CNTN3: variants seen among roughly 807,000 people sequenced by gnomAD.
The protein encoded by CNTN3 is contactin-3.
Under a neutral mutation model 119.1 loss-of-function variants are expected in CNTN3, and 60 were observed. The observed-to-expected ratio is 0.50, with a 90% CI of 0.41 to 0.62. CNTN3 has a LOEUF of 0.62. Among genes scored for constraint, CNTN3 ranks in the 20% least tolerant of loss-of-function variants. The pLI, the probability that CNTN3 is intolerant of heterozygous loss-of-function variation, is 0.00. For missense variants in CNTN3, 1,101 were observed against 1,242.4 expected (o/e 0.89, Z 1.71); for synonymous variants, 450 against 438.7 (o/e 1.03, Z -0.32).
intron 2 of CNTN3, among the ~76,000 whole-genome samples, chr3:74,504,352 C>G (rs1177879724): frequency 2.6e-5 from 4 of 152,108 alleles, no homozygotes; most frequent in African/African-American, 9.7e-5. Context: ...CAATCCCAAA[C>G]AGAATGAGCT....
chr3:74,477,453 A>G (rs1316313320), intron 4 of CNTN3, among the ~76,000 whole-genome samples: 1 of 152,192 alleles, frequency 6.6e-6, no homozygotes, highest in Non-Finnish European at 1.5e-5. Flanking sequence ...TCTAAAAGAT[A>G]CAGATCCTGA....
chr3:74,569,813 C>T lies in CNTN3; in HGVS notation c.-81+44578G>A, dbSNP rs549956601. ...GGTGTCATCTGGGGCTGAGATCTCC[C>T]CTGAGGCTTGAGGCCCTTCACCAAG... On this transcript the variant is annotated intron_variant, in intron 1 of 22. Transcript: ENST00000263665. Among the ~76,000 whole-genome samples, 4 of 152,178 alleles carry T rather than the reference C, an allele frequency of 2.6e-5. No homozygotes were observed. In the South Asian group the frequency reaches 8.3e-4, roughly 32 times the overall value.
At chr3:74,507,650 A>G (rs1449855225) in intron 2 of CNTN3, among the ~76,000 whole-genome samples, 3 of 104,186 alleles carry the variant, frequency 2.9e-5, no homozygotes, top group African/African-American at 1.1e-4. Context: ...TTTTTTTTTT[A>G]AGAAAGAGTC....
chr3:74,412,194 TAC>T (rs1365673370), intron 5 of CNTN3, among the ~76,000 whole-genome samples: 1 of 152,146 alleles, frequency 6.6e-6, no homozygotes, highest in Non-Finnish European at 1.5e-5. Flanking sequence ...TCTGAAATAT[TAC>T]AGAGTTTGTA....
intron 1 of CNTN3, among the ~76,000 whole-genome samples, chr3:74,560,969 T>C (rs1187161580): frequency 1.5e-5 from 2 of 130,272 alleles, no homozygotes; most frequent in Non-Finnish European, 3.1e-5. Context: ...AGGTGGGAAT[T>C]GAACAATGAG....
At chr3:74,350,181 T>C (rs964038708) in intron 11 of CNTN3, among the ~76,000 whole-genome samples, 5 of 152,274 alleles carry the variant, frequency 3.3e-5, no homozygotes, top group Admixed American at 2.6e-4. Context: ...TGCAATTCAG[T>C]TGATTGTTCT....
intron 4 of CNTN3, among the ~76,000 whole-genome samples, chr3:74,445,890 G>A (rs1702040828): frequency 6.6e-6 from 1 of 152,120 alleles, no homozygotes; most frequent in Non-Finnish European, 1.5e-5. Flanking sequence ...CTGCCACGTA[G>A]GACTTCACAG....
intron 1 of CNTN3, among the ~76,000 whole-genome samples, chr3:74,538,856 C>G (rs912661744): frequency 6.6e-6 from 1 of 152,088 alleles, no homozygotes; most frequent in African/African-American, 2.4e-5. Context: ...CTTGCATTCA[C>G]TAGATTCCAG....
At chr3:74,486,424 T>G in intron 4 of CNTN3, 32 bp downstream of exon 4, 1 of 1,549,168 alleles carries the variant, frequency 6.5e-7, no homozygotes, top group Non-Finnish European at 8.7e-7. Flanking sequence ...TTTCTAATGT[T>G]GGATTTGCTA....
chr3:74,423,474 G>C (rs1326218969), intron 5 of CNTN3, among the ~76,000 whole-genome samples: 1 of 152,174 alleles, frequency 6.6e-6, no homozygotes, highest in Non-Finnish European at 1.5e-5. Flanking sequence ...CCAGGAAGGA[G>C]TGAGAGCTGG....
intron 1 of CNTN3, among the ~76,000 whole-genome samples, chr3:74,549,722 C>A (rs1703962844): frequency 6.6e-6 from 1 of 152,122 alleles, no homozygotes; most frequent in South Asian, 2.1e-4. Flanking sequence ...GGGCCCAGAT[C>A]AGGAAAAGAC....
chr3:74,321,909 C>G (rs1703003253), intron 13 of CNTN3, among the ~76,000 whole-genome samples: 1 of 151,918 alleles, frequency 6.6e-6, no homozygotes, highest in Admixed American at 6.6e-5. Context: ...ATAATTTTCC[C>G]AAACAGAAAG....
chr3:74,490,014 G>T (rs1362968049), intron 3 of CNTN3, among the ~76,000 whole-genome samples: 7 of 152,054 alleles, frequency 4.6e-5, no homozygotes, highest in African/African-American at 1.7e-4. Context: ...GCACATGTTG[G>T]TTCTATGTTC....
chr3:74,427,695 G>A (rs56300573), intron 4 of CNTN3, among the ~76,000 whole-genome samples: 3,016 of 152,120 alleles, frequency 0.02, 47 homozygotes, highest in Non-Finnish European at 0.028. Flanking sequence ...TCAGAAATTC[G>A]AGGGAGTTAA....
chr3:74,594,844 T>G (rs1301593303), intron 1 of CNTN3, among the ~76,000 whole-genome samples: 1 of 151,892 alleles, frequency 6.6e-6, no homozygotes, highest in African/African-American at 2.4e-5. Context: ...ATGGTATTTC[T>G]AGTTCTAGAT....
intron 3 of CNTN3, 75 bp from the exon 4 acceptor site, chr3:74,486,706 C>T: frequency 1.6e-6 from 2 of 1,244,950 alleles, no homozygotes; most frequent in Non-Finnish European, 2.2e-6. Context: ...ATAAAATCTA[C>T]TTTAAACATT....
chr3:74,554,505 G>A (rs143152611), intron 1 of CNTN3, among the ~76,000 whole-genome samples: 5,645 of 152,238 alleles, frequency 0.037, 140 homozygotes, highest in South Asian at 0.069. Flanking sequence ...AATTACTTTG[G>A]GCAGTATGGC....
At chr3:74,353,340 A>G (rs764489460) in intron 11 of CNTN3, among the ~76,000 whole-genome samples, 28 of 152,190 alleles carry the variant, frequency 1.8e-4, no homozygotes, top group Non-Finnish European at 1.5e-5. Flanking sequence ...CCATCATCAC[A>G]TTACTCAGTG....
chr3:74,292,208 T>C (rs1354683575), intron 19 of CNTN3, among the ~76,000 whole-genome samples: 1 of 152,240 alleles, frequency 6.6e-6, no homozygotes, highest in Non-Finnish European at 1.5e-5. Context: ...GAGAAATAGA[T>C]ACATTAATAT....
Sources: allele counts gnomAD v4.1 joint callset (sites outside exome capture counted in the v4.1 genomes callset), GRCh38; gene constraint gnomAD v4.1.1; transcripts MANE v1.5; gene names NCBI Gene and HGNC (gene_info 2026-07-23, HGNC 2026-07-21).